Variants in KNL1 observed in about 807,000 individuals in gnomAD.
KNL1 encodes the protein kinetochore scaffold 1.
KNL1 carries 66 observed loss-of-function variants against 201.3 expected under a neutral mutation model. The ratio of observed to expected loss-of-function variants is 0.33; its 90% CI spans 0.27 to 0.40. KNL1 has a LOEUF of 0.40. KNL1 is among the 10% of genes least tolerant of loss of function. KNL1 has a pLI of 1.00. For missense variants in KNL1, 2,815 were observed against 2,690.5 expected (o/e 1.05, Z -1.02); for synonymous variants, 895 against 899.2 (o/e 1.00, Z 0.08).
intron 7 of KNL1, among the ~76,000 whole-genome samples, chr15:40,613,577 T>C (rs1595919423): frequency 6.6e-6 from 1 of 152,112 alleles, no homozygotes; most frequent in South Asian, 2.1e-4. Flanking sequence ...AGTATATACA[T>C]TGAAAAGTAA....
chr15:40,652,406 C>T (rs890816794), intron 21 of KNL1, among the ~76,000 whole-genome samples: 1 of 151,488 alleles, frequency 6.6e-6, no homozygotes, highest in Admixed American at 6.6e-5. Flanking sequence ...CTTTTCATCT[C>T]CATCTTTCGT....
intron 4 of KNL1, among the ~76,000 whole-genome samples, chr15:40,606,786 G>A (rs865891533): frequency 6.6e-6 from 1 of 152,054 alleles, no homozygotes; most frequent in East Asian, 1.9e-4. Context: ...TTTAGAAACA[G>A]GGTCTGACTG....
chr15:40,653,276 C>T (rs1402520271), intron 21 of KNL1, among the ~76,000 whole-genome samples: 1 of 152,156 alleles, frequency 6.6e-6, no homozygotes, highest in South Asian at 2.1e-4. Context: ...GCAACCTCTG[C>T]CTCCTGGGTT....
chr15:40,622,437 G>C lies in KNL1; in HGVS notation c.2173G>C (p.Val725Leu), dbSNP rs769933301. 1 of 1,613,862 alleles carries C rather than the reference G, an allele frequency of 6.2e-7. No individual in the cohort carries two copies. Among genetic ancestry groups the C allele is most frequent in the Non-Finnish European group, 8.5e-7 (1 of 1,179,874 alleles). The part of the protein sequence containing the change: ...TAISSHTVKS[V>L]LGQNSKLAEP... Reference sequence around the variant, plus strand: ...TATAAGTAGTCATACAGTGAAATCTGTACTAGGCCAGAATTCTAAACTGGC... The same window carrying C: ...TATAAGTAGTCATACAGTGAAATCTCTACTAGGCCAGAATTCTAAACTGGC... The change falls in exon 10 of 26, where the codon GTA becomes CTA. Residue 725 changes from valine (V) to leucine (L), a missense_variant. By Grantham distance (32) the Val-to-Leu change is conservative (BLOSUM62 1). Transcript: ENST00000399668.
At chr15:40,608,433 GAAAAAAAAAAAA>G (rs1240921260) in intron 4 of KNL1, among the ~76,000 whole-genome samples, 1 of 80,982 alleles carries the variant, frequency 1.2e-5, no homozygotes, top group African/African-American at 4.5e-5. Context: ...AACCGTCTTG[GAAAAAAAAAAAA>G]AAAAAAAAAA....
chr15:40,624,834 A>G lies in KNL1; in HGVS notation c.4570A>G (p.Ser1524Gly). 6.2e-7 allele frequency: 1 copy of G among 1,613,256 alleles called. No individual in the cohort carries two copies. Among genetic ancestry groups the G allele is most frequent in the Middle Eastern group, 1.7e-4 (1 of 6,060 alleles). The change falls in exon 10 of 26, where the codon AGT (serine) becomes GGT (glycine). Residue 1524 changes from serine (S) to glycine (G), a missense_variant. Physicochemically the swap from Ser to Gly is moderately conservative, Grantham distance 56 (BLOSUM62 0). Coordinates refer to ENST00000399668, the MANE Select transcript of KNL1 (RefSeq NM_144508.5). Reference sequence around the variant, plus strand: ...CTATAATACAGCTCTAGATTTCCACAGTAACTCAGACGTAACTAAGCAAGT... The same window carrying G: ...CTATAATACAGCTCTAGATTTCCACGGTAACTCAGACGTAACTAAGCAAGT... Reference protein sequence around the residue: ...TNYNTALDFHSNSDVTKQVIQ... With the variant: ...TNYNTALDFHGNSDVTKQVIQ...
At position 40,646,984 on chromosome 15, in the gene KNL1, T is replaced by C. The variant is rs748442872; in HGVS notation, c.6007-3T>C. ...TTGACAGTCTATAATCTTTTGTATT[T>C]AGAATGAGAGGGAGAAACTTCAAAT... On this transcript the variant is annotated splice_polypyrimidine_tract_variant and splice_region_variant and intron_variant, in intron 16 of 25. Coordinates refer to ENST00000399668, the MANE Select transcript of KNL1 (RefSeq NM_144508.5). The C allele has an allele frequency of 2.3e-6, 3 of 1,284,408 alleles. No individual in the cohort carries two copies. The highest frequency in any genetic ancestry group is 2.3e-6 in the Non-Finnish European group (2 of 881,442). 79.6% of individuals were successfully genotyped at this position (1,284,408 alleles called of 1,614,324 possible). A position where few individuals can be genotyped will look rare whatever the true frequency, so the allele number is the denominator to read the frequency against.
chr15:40,612,625 T>C (rs1892207569), intron 7 of KNL1, among the ~76,000 whole-genome samples: 1 of 152,030 alleles, frequency 6.6e-6, no homozygotes, highest in South Asian at 2.1e-4. Flanking sequence ...CAAGTGATTC[T>C]CCTGCTTCAG....
chr15:40,599,119 A>T (rs1891704112), intron 1 of KNL1, among the ~76,000 whole-genome samples: 1 of 151,488 alleles, frequency 6.6e-6, no homozygotes, highest in Admixed American at 6.6e-5. Flanking sequence ...TGAAAAAAAA[A>T]ATTTTTTTTA....
At chr15:40,645,979 A>G (rs191613636) in intron 16 of KNL1, among the ~76,000 whole-genome samples, 3 of 152,346 alleles carry the variant, frequency 2.0e-5, no homozygotes, top group Admixed American at 1.3e-4. Context: ...ATGTGGGCCT[A>G]TGTCTCATCT....
chr15:40,600,034 C>G (rs1235557503), intron 1 of KNL1, among the ~76,000 whole-genome samples: 2 of 150,054 alleles, frequency 1.3e-5, no homozygotes, highest in African/African-American at 4.9e-5. Context: ...ATCCTTCTTA[C>G]AAATTGCTGG....
intron 6 of KNL1, among the ~76,000 whole-genome samples, 181 bp downstream of exon 6, chr15:40,610,478 G>C (rs189077163): frequency 6.6e-6 from 1 of 152,062 alleles, no homozygotes; most frequent in Non-Finnish European, 1.5e-5. Flanking sequence ...TGGGAGGATC[G>C]CTTGAGCCCA....
Position 40,646,980 on chromosome 15 carries a change from T to C in KNL1, c.6007-7T>C, listed in dbSNP as rs1414427943. The C allele has an allele frequency of 3.3e-6, 4 of 1,216,430 alleles. No individual in the cohort carries two copies. Among genetic ancestry groups the C allele is most frequent in the Non-Finnish European group, 4.9e-6 (4 of 819,278 alleles). 75.4% of individuals were successfully genotyped at this position (1,216,430 alleles called of 1,614,324 possible). On this transcript the variant is annotated splice_polypyrimidine_tract_variant and splice_region_variant and intron_variant, in intron 16 of 25. Coordinates refer to ENST00000399668, the MANE Select transcript of KNL1 (RefSeq NM_144508.5). Reference sequence around the variant, plus strand: ...TAACTTGACAGTCTATAATCTTTTGTATTTAGAATGAGAGGGAGAAACTTC... The same window carrying C: ...TAACTTGACAGTCTATAATCTTTTGCATTTAGAATGAGAGGGAGAAACTTC...
chr15:40,643,601 C>T (rs748108747), intron 14 of KNL1, among the ~76,000 whole-genome samples: 5 of 152,160 alleles, frequency 3.3e-5, no homozygotes, highest in East Asian at 1.9e-4. Flanking sequence ...GCCAAGATTG[C>T]GCCACTGCAC....
chr15:40,641,863 C>CTATG (rs1893238990), intron 14 of KNL1, among the ~76,000 whole-genome samples: 2 of 152,162 alleles, frequency 1.3e-5, no homozygotes, highest in Non-Finnish European at 2.9e-5. Flanking sequence ...CATGGTTTTA[C>CTATG]GTAGAAGATA....
Position 40,623,667 on chromosome 15 carries a change from G to A in KNL1, c.3403G>A (p.Ala1135Thr). 5.6e-6 allele frequency: 9 copies of A among 1,613,844 alleles called. No homozygotes were observed. The highest frequency in any genetic ancestry group is 7.6e-6 in the Non-Finnish European group (9 of 1,179,882). Residue 1135 changes from alanine to threonine, a missense_variant, in exon 10 of 26, where the codon GCC (alanine) becomes ACC (threonine). By Grantham distance (58) the Ala-to-Thr change is moderately conservative. Around this residue, in one of 3 missense-constraint regions of KNL1, gnomAD observed 2,464 missense variants for 2,291.7 expected, o/e 1.08. Transcript: ENST00000399668. ...DMEITRSHTT[A>T]LECKTLLPNE... ...GGAGATCACTAGGAGTCACACAACT[G>A]CCTTAGAATGTAAAACTCTCCTGCC...
intron 22 of KNL1, among the ~76,000 whole-genome samples, chr15:40,656,709 A>T (rs1893744615): frequency 6.6e-6 from 1 of 151,960 alleles, no homozygotes; most frequent in Non-Finnish European, 1.5e-5. Flanking sequence ...AAAATGGTGA[A>T]GCCCCCTCTC....
At chr15:40,608,821 T>C in intron 4 of KNL1, 26 bp from the exon 5 acceptor site, 1 of 1,529,016 alleles carries the variant, frequency 6.5e-7, no homozygotes, top group Non-Finnish European at 9.1e-7. Flanking sequence ...TTATTAAGAA[T>C]TATACCATAT....
At chr15:40,618,344 A>T (rs1196807264) in intron 8 of KNL1, among the ~76,000 whole-genome samples, 1 of 152,046 alleles carries the variant, frequency 6.6e-6, no homozygotes, top group Non-Finnish European at 1.5e-5. Context: ...AAAATGCATT[A>T]TATTTTATAA....
Sources: allele counts gnomAD v4.1 joint callset (sites outside exome capture counted in the v4.1 genomes callset), GRCh38; gene constraint gnomAD v4.1.1; regional missense constraint gnomAD v4.1.1; transcripts MANE v1.5; gene names NCBI Gene and HGNC (gene_info 2026-07-23, HGNC 2026-07-21).